Variants in SPHKAP observed in about 807,000 individuals in gnomAD.
SPHKAP encodes the protein SPHK1 interactor, AKAP domain containing.
Under a neutral mutation model 137.5 loss-of-function variants are expected in SPHKAP, and 67 were observed. That is an observed-to-expected ratio of 0.49 (90% CI 0.40 to 0.60). SPHKAP has a LOEUF of 0.60. Among genes scored for constraint, SPHKAP ranks in the 20% least tolerant of loss-of-function variants. The pLI, the probability that SPHKAP is intolerant of heterozygous loss-of-function variation, is 0.00. For synonymous variants in SPHKAP, 813 were observed against 785.3 expected, an observed-to-expected ratio of 1.04 and a Z score of -0.59; for missense variants, 2,097 against 2,069.3, an observed-to-expected ratio of 1.01 and a Z score of -0.26.
chr2:228,084,072 C>A (rs1443262284), intron 3 of SPHKAP, among the ~76,000 whole-genome samples: 2 of 149,898 alleles, frequency 1.3e-5, no homozygotes, highest in African/African-American at 2.5e-5. Flanking sequence ...ACGTTCTACA[C>A]ATGTACCACC....
chr2:228,145,819 A>C (rs551503973), intron 1 of SPHKAP, among the ~76,000 whole-genome samples: 3 of 152,324 alleles, frequency 2.0e-5, no homozygotes, highest in Admixed American at 6.5e-5. Context: ...GACTGAAAGA[A>C]TGTACCTAAA....
rs924698871 is a variant in SPHKAP at position 227,991,399 on chromosome 2, G to A, written c.4722-73C>T. The A allele has an allele frequency of 1.9e-6, 3 of 1,607,262 alleles. No individual in the cohort carries two copies. The African/African-American group carries it at 4.0e-5, about 22-fold the overall frequency. ...AGCTGTAAATGAAAGATGAGGCGATGGGTCTTACTGATCTAAAAGCTTCTG... is the reference window on the plus strand; with the variant it reads ...AGCTGTAAATGAAAGATGAGGCGATAGGTCTTACTGATCTAAAAGCTTCTG... On this transcript the variant is annotated intron_variant, in intron 9 of 11. Coordinates refer to ENST00000392056, the MANE Select transcript of SPHKAP (RefSeq NM_001142644.2).
chr2:228,076,981 G>C (rs1697205892), intron 3 of SPHKAP, among the ~76,000 whole-genome samples: 1 of 152,134 alleles, frequency 6.6e-6, no homozygotes, highest in Admixed American at 6.6e-5. Flanking sequence ...TAGAGTCTTG[G>C]TGCCCTGCAT....
At chr2:228,042,936 T>A (rs542388922) in intron 3 of SPHKAP, among the ~76,000 whole-genome samples, 147 of 152,342 alleles carry the variant, frequency 9.6e-4, no homozygotes, top group African/African-American at 3.3e-3. Context: ...GCCAGCATTA[T>A]GGGTGCTGCC....
intron 1 of SPHKAP, among the ~76,000 whole-genome samples, chr2:228,144,768 A>G (rs1017568564): frequency 6.6e-6 from 1 of 152,112 alleles, no homozygotes; most frequent in African/African-American, 2.4e-5. Flanking sequence ...TGAAATTTTC[A>G]ATCTTAATAC....
chr2:228,108,797 T>C (rs1698420942), intron 3 of SPHKAP, 35 bp downstream of exon 3: 1 of 1,515,920 alleles, frequency 6.6e-7, no homozygotes, highest in South Asian at 1.2e-5. Context: ...TTCCCTGCTT[T>C]ATCAGACAAC....
rs1343851145 is a variant in SPHKAP at position 228,152,377 on chromosome 2, C to A, written c.33-20292G>T. Among the ~76,000 whole-genome samples the A allele has an allele frequency of 2.6e-5, 4 of 152,200 alleles. No individual in the cohort carries two copies. The South Asian group carries it at 6.2e-4, about 24-fold the overall frequency. On this transcript the variant is annotated intron_variant, in intron 1 of 11. Coordinates refer to ENST00000392056, the MANE Select transcript of SPHKAP (RefSeq NM_001142644.2). ...ATCTTGCTGGCAATGTAGGTCTTTA[C>A]CATTATACTTTATTTCTAGCAATGT...
chr2:228,030,925 C>T (rs1425738099), intron 3 of SPHKAP, among the ~76,000 whole-genome samples: 3 of 152,160 alleles, frequency 2.0e-5, no homozygotes, highest in African/African-American at 7.2e-5. Context: ...CGAATAGGAA[C>T]AGCTCTGGTC....
At chr2:228,031,932 G>GA (rs1440701089) in intron 3 of SPHKAP, among the ~76,000 whole-genome samples, 3 of 152,128 alleles carry the variant, frequency 2.0e-5, no homozygotes, top group African/African-American at 4.8e-5. Flanking sequence ...CAAAGATGGG[G>GA]AAAAAACAGC....
chr2:228,006,392 A>G (rs569658473), intron 7 of SPHKAP, among the ~76,000 whole-genome samples: 89 of 152,264 alleles, frequency 5.8e-4, no homozygotes, highest in African/African-American at 2.1e-3. Context: ...CAGCTTCATC[A>G]GGTCCTTTAA....
intron 3 of SPHKAP, among the ~76,000 whole-genome samples, chr2:228,080,960 G>T (rs1697349167): frequency 6.6e-6 from 1 of 151,988 alleles, no homozygotes; most frequent in Non-Finnish European, 1.5e-5. Flanking sequence ...ATTAAAAATA[G>T]AATTACCATA....
At chr2:228,163,058 G>C (rs905598128) in intron 1 of SPHKAP, among the ~76,000 whole-genome samples, 1 of 152,156 alleles carries the variant, frequency 6.6e-6, no homozygotes, top group Non-Finnish European at 1.5e-5. Flanking sequence ...GAACAGCTTT[G>C]TTACAGCCAC....
chr2:228,174,724 C>A (rs1450966124), intron 1 of SPHKAP, among the ~76,000 whole-genome samples: 1 of 151,972 alleles, frequency 6.6e-6, no homozygotes, highest in South Asian at 2.1e-4. Flanking sequence ...CCAACAGAAC[C>A]AGACCTAGGT....
At chr2:228,108,982 T>C (rs1221545323) in intron 2 of SPHKAP, 43 bp from the exon 3 acceptor site, 1 of 1,333,500 alleles carries the variant, frequency 7.5e-7, no homozygotes, top group Non-Finnish European at 1.0e-6. Flanking sequence ...CGGCAATCCT[T>C]TCTATCTAAA....
chr2:227,985,805 G>C (rs1693189001), intron 11 of SPHKAP, among the ~76,000 whole-genome samples: 3 of 152,114 alleles, frequency 2.0e-5, no homozygotes, highest in Non-Finnish European at 4.4e-5. Flanking sequence ...GAAATCTATG[G>C]GAGTTGTTGC....
At position 228,128,447 on chromosome 2, in the gene SPHKAP, A is replaced by G. The variant is rs1421608933; in HGVS notation, c.138+3533T>C. 2.6e-5 allele frequency among the ~76,000 whole-genome samples: 4 copies of G among 152,090 alleles called. No homozygotes were observed. In the East Asian group the frequency reaches 7.7e-4, roughly 29 times the overall value. On this transcript the variant is annotated intron_variant, in intron 2 of 11. Coordinates refer to ENST00000392056, the MANE Select transcript of SPHKAP (RefSeq NM_001142644.2). ...CTAGTTTTCTTGTTATTTCAACCAC[A>G]TGCATTGAACCCTTCAGTCATTCAT...
At chr2:228,178,159 T>C (rs759076840) in intron 1 of SPHKAP, among the ~76,000 whole-genome samples, 1 of 152,210 alleles carries the variant, frequency 6.6e-6, no homozygotes, top group Admixed American at 6.5e-5. Flanking sequence ...AAATTCTTTT[T>C]CCTTCCATTT....
intron 1 of SPHKAP, among the ~76,000 whole-genome samples, chr2:228,137,616 G>A (rs1699475779): frequency 6.6e-6 from 1 of 152,038 alleles, no homozygotes; most frequent in African/African-American, 2.4e-5. Context: ...TCATTTGATT[G>A]TCTCAACCCT....
chr2:228,103,458 A>C (rs1484711518), intron 3 of SPHKAP, among the ~76,000 whole-genome samples: 1 of 152,124 alleles, frequency 6.6e-6, no homozygotes, highest in East Asian at 1.9e-4. Context: ...TGGACACGAA[A>C]ATTCTTGAAA....
Sources: gnomAD v4.1 joint callset for allele counts (sites outside exome capture counted in the v4.1 genomes callset) on GRCh38, gnomAD v4.1.1 for gene constraint, MANE v1.5 for transcripts, NCBI Gene and HGNC (gene_info 2026-07-23, HGNC 2026-07-21) for gene names.